CDH12: variants seen among roughly 807,000 people sequenced by gnomAD.
CDH12 encodes cadherin-12.
Under a neutral mutation model 74.1 loss-of-function variants are expected in CDH12, and 41 were observed. The observed-to-expected ratio is 0.55, with a 90% confidence interval of 0.43 to 0.72. The LOEUF (loss-of-function observed/expected upper bound fraction) is 0.72. Among genes scored for constraint, CDH12 ranks in the 30% least tolerant of loss-of-function variants. The pLI, the probability that CDH12 is intolerant of heterozygous loss-of-function variation, is 0.00. For missense variants in CDH12, 945 were observed against 977.2 expected, an observed-to-expected ratio of 0.97 and a Z score of 0.44; for synonymous variants, 399 against 355.0, an observed-to-expected ratio of 1.12 and a Z score of -1.39.
chr5:22,792,027 T>C (rs1747934155), intron 1 of CDH12, among the ~76,000 whole-genome samples: 1 of 151,240 alleles, frequency 6.6e-6, no homozygotes, highest in Admixed American at 6.6e-5. Context: ...TTTAGTCACA[T>C]AAACAATGGT....
chr5:21,951,805 G>C (rs1168975196), intron 6 of CDH12, among the ~76,000 whole-genome samples: 9 of 152,156 alleles, frequency 5.9e-5, no homozygotes, highest in South Asian at 2.1e-4. Context: ...TGAAGAAGAA[G>C]AGGAAGAACA....
At chr5:22,681,904 T>G (rs1741512628) in intron 1 of CDH12, among the ~76,000 whole-genome samples, 1 of 152,084 alleles carries the variant, frequency 6.6e-6, no homozygotes, top group African/African-American at 2.4e-5. Context: ...AATAGTTATC[T>G]TTCAGTTTGG....
At chr5:22,302,029 A>T (rs1561295860) in intron 3 of CDH12, among the ~76,000 whole-genome samples, 2 of 151,642 alleles carry the variant, frequency 1.3e-5, no homozygotes, top group Non-Finnish European at 2.9e-5. Context: ...AGAGAGAGAG[A>T]GAGTGAGTGA....
rs77012764 is a variant in CDH12, at chr5:22,268,046, A to G, written c.-332-55403T>C. On this transcript the variant is annotated intron_variant, in intron 3 of 14. Transcript: ENST00000382254. The stretch of plus-strand genomic sequence containing the variant: ...ATGCAGGGAAGTGGAACAATCTTCA[A>G]TCACTCCTTTGGAATAATTAAAATA... Among the ~76,000 whole-genome samples the G allele has an allele frequency of 4.8e-3, 732 of 152,252 alleles. 5 individuals carry two copies. Among genetic ancestry groups the G allele is most frequent in the Middle Eastern group, 0.017 (5 of 294 alleles).
rs1244864594 is a variant in CDH12, at chr5:22,409,866, G to C, written c.-427-4515C>G. ...TTTGAGGCTGAGAGTGGTAGTTCTG[G>C]GGAAGGGTGTCTGGATCAATTAGTG... is the stretch of plus-strand genomic sequence containing the variant. On this transcript the variant is annotated intron_variant, in intron 2 of 14. Transcript: ENST00000382254. Among the ~76,000 whole-genome samples, 6 of 152,140 alleles carry C rather than the reference G, an allele frequency of 3.9e-5. No homozygotes were observed. The East Asian group carries it at 1.2e-3, about 29-fold the overall frequency.
chr5:22,151,295 A>G (rs943578199), intron 4 of CDH12, among the ~76,000 whole-genome samples: 6 of 152,164 alleles, frequency 3.9e-5, no homozygotes, highest in African/African-American at 1.4e-4. Flanking sequence ...ATAAATGTAA[A>G]TTCCTGGGAC....
chr5:21,897,475 A>T, intron 6 of CDH12, among the ~76,000 whole-genome samples: 1 of 152,244 alleles, frequency 6.6e-6, no homozygotes, highest in East Asian at 1.9e-4. Flanking sequence ...GACAAAGGTG[A>T]TATCAAGTTT....
chr5:22,641,311 T>C (rs151224813), intron 1 of CDH12, among the ~76,000 whole-genome samples: 52 of 152,250 alleles, frequency 3.4e-4, no homozygotes, highest in Non-Finnish European at 1.3e-4. Context: ...GTGCAAACCC[T>C]AAAGTCTTGG....
At chr5:22,043,323 T>C (rs1739704874) in intron 5 of CDH12, among the ~76,000 whole-genome samples, 1 of 152,144 alleles carries the variant, frequency 6.6e-6, no homozygotes, top group South Asian at 2.1e-4. Flanking sequence ...TTCTTTACAT[T>C]GACAGAATAA....
intron 5 of CDH12, among the ~76,000 whole-genome samples, chr5:21,979,340 C>T (rs1382484295): frequency 6.6e-6 from 1 of 152,122 alleles, no homozygotes; most frequent in Non-Finnish European, 1.5e-5. Context: ...GAAATAGGCA[C>T]TGTCCAGGCA....
chr5:22,792,384 C>T (rs1006589109), intron 1 of CDH12, among the ~76,000 whole-genome samples: 3 of 152,198 alleles, frequency 2.0e-5, no homozygotes, highest in Admixed American at 6.5e-5. Context: ...CCACCACGCC[C>T]GGCCTGAGCT....
intron 3 of CDH12, among the ~76,000 whole-genome samples, chr5:22,346,648 A>ACGT (rs1740128675): frequency 4.6e-5 from 7 of 152,194 alleles, no homozygotes; most frequent in Non-Finnish European, 8.8e-5. Flanking sequence ...CGTGGCATGA[A>ACGT]AGTTGAACAT....
At chr5:22,332,095 T>G (rs1739375433) in intron 3 of CDH12, among the ~76,000 whole-genome samples, 1 of 152,156 alleles carries the variant, frequency 6.6e-6, no homozygotes, top group African/African-American at 2.4e-5. Flanking sequence ...GAAAGTTTAT[T>G]CAAAAGATAA....
At chr5:22,524,684 T>C (rs1359123870) in intron 1 of CDH12, among the ~76,000 whole-genome samples, 1 of 152,202 alleles carries the variant, frequency 6.6e-6, no homozygotes, top group Non-Finnish European at 1.5e-5. Flanking sequence ...ACATATATTG[T>C]AGCAACACAG....
chr5:22,407,783 A>C (rs13186475), intron 2 of CDH12, among the ~76,000 whole-genome samples: 50,873 of 151,908 alleles, frequency 0.33, 10,137 homozygotes, highest in Admixed American at 0.46. Flanking sequence ...CTCTTCTGTC[A>C]CTTTACTTAC....
At chr5:22,663,540 C>A (rs991701784) in intron 1 of CDH12, among the ~76,000 whole-genome samples, 1 of 152,092 alleles carries the variant, frequency 6.6e-6, no homozygotes, top group Admixed American at 6.6e-5. Context: ...GAAAATAATT[C>A]ACATACTTTA....
intron 5 of CDH12, among the ~76,000 whole-genome samples, chr5:22,040,095 G>T (rs1242120485): frequency 6.6e-6 from 1 of 151,950 alleles, no homozygotes; most frequent in African/African-American, 2.4e-5. Flanking sequence ...GAAGGAATGA[G>T]AAATTTAGCA....
At chr5:22,015,091 C>A (rs115449363) in intron 5 of CDH12, among the ~76,000 whole-genome samples, 2,722 of 152,210 alleles carry the variant, frequency 0.018, 41 homozygotes, top group African/African-American at 0.04. Context: ...GAAACAGGGA[C>A]AAACTGAGTG....
intron 3 of CDH12, among the ~76,000 whole-genome samples, chr5:22,293,790 T>C (rs922593594): frequency 1.3e-5 from 2 of 152,092 alleles, no homozygotes; most frequent in African/African-American, 4.8e-5. Context: ...AAAAACATAA[T>C]TGATCTCACA....
Sources: allele counts gnomAD v4.1 joint callset (sites outside exome capture counted in the v4.1 genomes callset), GRCh38; gene constraint gnomAD v4.1.1; transcripts MANE v1.5; gene names NCBI Gene and HGNC (gene_info 2026-07-23, HGNC 2026-07-21).